ZSCAN20: variants seen among roughly 807,000 people sequenced by gnomAD.
ZSCAN20 encodes the protein zinc finger and SCAN domain containing 20, also known as zinc finger and SCAN domain-containing protein 20.
Under a neutral mutation model 97.1 loss-of-function variants are expected in ZSCAN20, and 39 were observed. That is an observed-to-expected ratio of 0.40 (90% CI 0.31 to 0.52). The LOEUF is 0.52. ZSCAN20 is among the 20% of genes least tolerant of loss of function. The pLI is 0.49. For missense variants in ZSCAN20, 1,115 were observed against 1,290.4 expected (o/e 0.86, Z 2.08); for synonymous variants, 456 against 467.3 (o/e 0.98, Z 0.31).
Position 33,498,788 on chromosome 1 carries a change from C to G in ZSCAN20, c.*3312C>G, listed in dbSNP as rs881884. ...GGCTGCCTCCCCTTGATTTCTTCACCCTCCACCTCAAGAAGGGCATTGGCT... is the reference window on the plus strand; with the variant it reads ...GGCTGCCTCCCCTTGATTTCTTCACGCTCCACCTCAAGAAGGGCATTGGCT... On this transcript the variant is annotated 3_prime_UTR_variant, in exon 8 of 8. Transcript: ENST00000684572. 0.017 allele frequency among the ~76,000 whole-genome samples: 2,596 copies of G among 152,260 alleles called. 69 individuals carry two copies. The highest frequency in any genetic ancestry group is 0.058 in the African/African-American group (2,396 of 41,516).
At chr1:33,480,557 G>A (rs1277598379) in intron 2 of ZSCAN20, among the ~76,000 whole-genome samples, 1 of 152,234 alleles carries the variant, frequency 6.6e-6, no homozygotes. Flanking sequence ...AGCACTCACT[G>A]TGTGTCAGAT....
In ZSCAN20 at chr1:33,493,192, G is replaced by A. The variant is rs1652692277; in HGVS notation, c.1450G>A (p.Val484Met). Residue 484 changes from valine to methionine, a missense_variant, in exon 7 of 8, where the codon GTG becomes ATG. Coordinates refer to ENST00000684572, the MANE Select transcript of ZSCAN20 (RefSeq NM_001377376.1). The surrounding 1 kb of genome is among the most constrained non-coding windows in gnomAD (Gnocchi z 4.3). The part of the protein sequence containing the change: ...PALFQSRIAG[V>M]HWGYEETKAF... ...CAACTCTTCACTCCTGACAGCAGGTGTGCACTGGGGCTATGAGGAGACCAA... is the reference window on the plus strand; with the variant it reads ...CAACTCTTCACTCCTGACAGCAGGTATGCACTGGGGCTATGAGGAGACCAA... The A allele has an allele frequency of 1.9e-6, 3 of 1,613,290 alleles. No homozygotes were observed. Among genetic ancestry groups the A allele is most frequent in the Admixed American group, 1.7e-5 (1 of 60,000 alleles).
chr1:33,474,242 A>G (rs1470052784), intron 1 of ZSCAN20, among the ~76,000 whole-genome samples: 1 of 152,202 alleles, frequency 6.6e-6, no homozygotes, highest in Non-Finnish European at 1.5e-5. Flanking sequence ...GCTTTAAATG[A>G]AACCTATTTG....
At position 33,491,913 on chromosome 1, in the gene ZSCAN20, T is replaced by G; in HGVS notation, c.1444+211T>G. 6.5e-6 allele frequency: 3 copies of G among 458,920 alleles called. No homozygotes were observed. The highest frequency in any genetic ancestry group is 1.3e-4 in the South Asian group (2 of 14,974). 28.4% of individuals were successfully genotyped at this position (458,920 alleles called of 1,614,324 possible). ...CTTCTTAGTTATAGAAGCAAACATTTTTAAAGCCTTAAGGGGCCTCAAAGA... is the reference window on the plus strand; with the variant it reads ...CTTCTTAGTTATAGAAGCAAACATTGTTAAAGCCTTAAGGGGCCTCAAAGA... On this transcript the variant is annotated intron_variant, in intron 6 of 7. Transcript: ENST00000684572. The surrounding 1 kb of genome is among the most constrained non-coding windows in gnomAD (Gnocchi z 4.3).
Position 33,491,535 on chromosome 1 carries a change from C to T in ZSCAN20, c.1277C>T (p.Ala426Val), listed in dbSNP as rs1319552264. The change falls in exon 6 of 8, where the codon GCA becomes GTA. Residue 426 changes from alanine (A) to valine (V), a missense_variant. Around this residue, in one of 3 missense-constraint regions of ZSCAN20, gnomAD observed 508 missense variants for 611.2 expected, o/e 0.83. Transcript: ENST00000684572. This position sits in a 1 kb window ranked among gnomAD's most constrained non-coding sequence, Gnocchi z 4.3. ...ACAGATGGCCCAGGAGAGGCCGTGG[C>T]ACTTCCCAGGCTCGGGTATAGTGAC... ...RATDGPGEAV[A>V]LPRLGYSDAE... 23 of 1,613,874 alleles carry T rather than the reference C, an allele frequency of 1.4e-5. No individual in the cohort carries two copies. The highest frequency in any genetic ancestry group is 1.6e-5 in the Non-Finnish European group (19 of 1,179,900).
intron 5 of ZSCAN20, among the ~76,000 whole-genome samples, chr1:33,490,537 T>G (rs1652554877): frequency 6.6e-6 from 1 of 152,142 alleles, no homozygotes; most frequent in Non-Finnish European, 1.5e-5. Context: ...TTTATTTCTG[T>G]CTGCCATCCT....
chr1:33,482,427 A>G (rs1315066635), intron 2 of ZSCAN20, among the ~76,000 whole-genome samples: 1 of 152,210 alleles, frequency 6.6e-6, no homozygotes, highest in African/African-American at 2.4e-5. Flanking sequence ...ATGCTTAACA[A>G]TATTCCGTTG....
chr1:33,488,606 A>G lies in ZSCAN20; in HGVS notation c.559A>G (p.Asn187Asp). Reference protein sequence around the residue: ...GVKNTCPDLPNHLNAEVAPQP... With the variant: ...GVKNTCPDLPDHLNAEVAPQP... The stretch of plus-strand genomic sequence containing the variant: ...GAAGAATACATGCCCTGACCTTCCC[A>G]ATCACCTAAATGCCGAGGTGGCACC... The change falls in exon 3 of 8, where the codon AAT (asparagine) becomes GAT (aspartate). Residue 187 changes from asparagine (N) to aspartate (D), a missense_variant. Physicochemically the swap from Asn to Asp is conservative, Grantham distance 23. This residue lies in a region of ZSCAN20 where 508 missense variants were observed against 611.2 expected (regional missense o/e 0.83). Transcript: ENST00000684572. 1.2e-6 allele frequency: 2 copies of G among 1,613,354 alleles called. No homozygotes were observed. Among genetic ancestry groups the G allele is most frequent in the East Asian group, 4.5e-5 (2 of 44,868 alleles).
Position 33,479,483 on chromosome 1 carries a change from C to T in ZSCAN20, c.195C>T (p.Pro65=). 6.2e-7 allele frequency: 1 copy of T among 1,613,586 alleles called. No homozygotes were observed. The highest frequency in any genetic ancestry group is 8.5e-7 in the Non-Finnish European group (1 of 1,179,566). Residue 65 remains proline (P), a synonymous_variant, in exon 2 of 8, where the codon CCC becomes CCT. Coordinates refer to ENST00000684572, the MANE Select transcript of ZSCAN20 (RefSeq NM_001377376.1). ...TCCAATACAGGGATGCAGCTGGACCCCACGAGGCCTTCAGCCAGCTCTGGG... is the reference window on the plus strand; with the variant it reads ...TCCAATACAGGGATGCAGCTGGACCTCACGAGGCCTTCAGCCAGCTCTGGG... ...RQFQYRDAAG[P]HEAFSQLWAL... is the part of the protein sequence containing the mutation.
chr1:33,472,869 C>T (rs1199147825), intron 1 of ZSCAN20, among the ~76,000 whole-genome samples, 178 bp downstream of exon 1: 11 of 151,040 alleles, frequency 7.3e-5, no homozygotes, highest in Admixed American at 6.6e-4. Flanking sequence ...AAGGGTCATA[C>T]AGGGGTCGGG....
At chr1:33,475,763 A>T (rs946304209) in intron 1 of ZSCAN20, among the ~76,000 whole-genome samples, 10 of 151,220 alleles carry the variant, frequency 6.6e-5, no homozygotes, top group Middle Eastern at 3.5e-3. Flanking sequence ...GGGTTTAAGC[A>T]ATTCTCCTGC....
intron 1 of ZSCAN20, among the ~76,000 whole-genome samples, chr1:33,475,605 G>A (rs1047828221): frequency 1.3e-5 from 2 of 152,156 alleles, no homozygotes; most frequent in African/African-American, 4.8e-5. Context: ...TTCTCGAACA[G>A]ATAGTGAACG....
At position 33,494,870 on chromosome 1, in the gene ZSCAN20, G is replaced by A; in HGVS notation, c.2526G>A (p.Arg842=). The change falls in exon 8 of 8, where the codon AGG becomes AGA. Residue 842 remains arginine (R), a synonymous_variant. Transcript: ENST00000684572. ...GCCCATCTTTTAGTGCTCACTGGAG[G>A]AATTCTACAGAAGAGACAGCTCCTG... is the stretch of plus-strand genomic sequence containing the variant. ...AQSPSFSAHW[R]NSTEETAPEQ... 6.2e-7 allele frequency: 1 copy of A among 1,614,190 alleles called. No homozygotes were observed. The highest frequency in any genetic ancestry group is 8.5e-7 in the Non-Finnish European group (1 of 1,180,036).
Position 33,500,890 on chromosome 1 carries a change from G to T in ZSCAN20, c.*5414G>T, listed in dbSNP as rs1243852663. 2.6e-5 allele frequency among the ~76,000 whole-genome samples: 4 copies of T among 151,964 alleles called. No homozygotes were observed. The highest frequency in any genetic ancestry group is 5.9e-5 in the Non-Finnish European group (4 of 68,022). On this transcript the variant is annotated 3_prime_UTR_variant, in exon 8 of 8. Coordinates refer to ENST00000684572, the MANE Select transcript of ZSCAN20 (RefSeq NM_001377376.1). ...ATCTCGAGTCACTGGGGCTCAGGGA[G>T]CCCTAACTTGGTGGCAGGTGACAAA...
rs748234288 is a variant in ZSCAN20, at chr1:33,501,626, T to C, written c.*6150T>C. On this transcript the variant is annotated 3_prime_UTR_variant, in exon 8 of 8. Transcript: ENST00000684572. ...AATGGCCTGATAAGTTAATAAATTA[T>C]ATTAAACTGCCAAAAAAGGAATGTG... Among the ~76,000 whole-genome samples the C allele has an allele frequency of 6.6e-6, 1 of 151,720 alleles. No homozygotes were observed. Among genetic ancestry groups the C allele is most frequent in the Non-Finnish European group, 1.5e-5 (1 of 67,978 alleles).
At chr1:33,475,157 A>G (rs1651872647) in intron 1 of ZSCAN20, among the ~76,000 whole-genome samples, 1 of 152,240 alleles carries the variant, frequency 6.6e-6, no homozygotes, top group Non-Finnish European at 1.5e-5. Context: ...AGAGGAGGCT[A>G]TAAGACATGG....
rs767347082 is a variant in ZSCAN20 at position 33,488,494 on chromosome 1, G to A, written c.447G>A (p.Arg149=). 7 of 1,614,064 alleles carry A rather than the reference G, an allele frequency of 4.3e-6. No homozygotes were observed. Among genetic ancestry groups the A allele is most frequent in the South Asian group, 3.3e-5 (3 of 91,064 alleles). ...TGGAATTGCATACAGAAGAGACCAG[G>A]CCCTTAAAGACAGGGGAAGAAGCTC... is the stretch of plus-strand genomic sequence containing the variant. ...SGLELHTEET[R]PLKTGEEAQS... Residue 149 remains arginine, a synonymous_variant, in exon 3 of 8, where the codon AGG becomes AGA. Coordinates refer to ENST00000684572, the MANE Select transcript of ZSCAN20 (RefSeq NM_001377376.1).
In ZSCAN20 at chr1:33,496,941, C is replaced by A. The variant is rs1230216282; in HGVS notation, c.*1465C>A. ...TTTAACATTTGCAGCACTTTGGCCT[C>A]CAGAGTTTCTCCTTAGAAGGGTTTA... On this transcript the variant is annotated 3_prime_UTR_variant, in exon 8 of 8. Transcript: ENST00000684572. Among the ~76,000 whole-genome samples the A allele has an allele frequency of 1.3e-5, 2 of 152,204 alleles. No individual in the cohort carries two copies. The highest frequency in any genetic ancestry group is 2.9e-5 in the Non-Finnish European group (2 of 68,046).
rs951714890 is a variant in ZSCAN20, at chr1:33,498,664, C to T, written c.*3188C>T. 5.9e-5 allele frequency among the ~76,000 whole-genome samples: 9 copies of T among 152,194 alleles called. No individual in the cohort carries two copies. Among genetic ancestry groups the T allele is most frequent in the African/African-American group, 2.2e-4 (9 of 41,442 alleles). ...GACAGTTTCTCAGCCTTCCTGGCCACAGGTCAGACCCTGGTTATGGAAAAC... is the reference window on the plus strand; with the variant it reads ...GACAGTTTCTCAGCCTTCCTGGCCATAGGTCAGACCCTGGTTATGGAAAAC... On this transcript the variant is annotated 3_prime_UTR_variant, in exon 8 of 8. Transcript: ENST00000684572.
Sources: gnomAD v4.1 joint callset for allele counts (sites outside exome capture counted in the v4.1 genomes callset) on GRCh38, gnomAD v4.1.1 for gene constraint, gnomAD v4.1.1 regional missense constraint, Gnocchi (gnomAD v3.1) non-coding constraint, MANE v1.5 for transcripts, NCBI Gene and HGNC (gene_info 2026-07-23, HGNC 2026-07-21) for gene names.